The following TMTC2 variants were observed in gnomAD, a reference collection of about 807,000 sequenced individuals.
TMTC2 encodes the protein protein O-mannosyl-transferase TMTC2.
TMTC2 carries 43 observed loss-of-function variants against 82.4 expected under a neutral mutation model. The ratio of observed to expected loss-of-function variants is 0.52; its 90% CI spans 0.41 to 0.67. The LOEUF is 0.67. Ranked by LOEUF, TMTC2 falls within the 30% of genes least tolerant of loss-of-function variation. The pLI is 0.00. For synonymous variants in TMTC2, 408 were observed against 381.9 expected (o/e 1.07, Z -0.80); for missense variants, 919 against 1,012.4 (o/e 0.91, Z 1.25).
At chr12:83,053,199 A>C (rs975389888) in intron 10 of TMTC2, among the ~76,000 whole-genome samples, 3 of 151,988 alleles carry the variant, frequency 2.0e-5, no homozygotes, top group Non-Finnish European at 4.4e-5. Flanking sequence ...TTACATGTAA[A>C]TTTTCTCCTG....
rs80027263 is a variant in TMTC2, at chr12:83,085,904, G to T, written c.2331+24073G>T. Among the ~76,000 whole-genome samples, 432 of 152,214 alleles carry T rather than the reference G, an allele frequency of 2.8e-3. 3 individuals are homozygous for T. The highest frequency in any genetic ancestry group is 0.01 in the African/African-American group (417 of 41,528). On this transcript the variant is annotated intron_variant, in intron 11 of 11. Coordinates refer to ENST00000321196, the MANE Select transcript of TMTC2 (RefSeq NM_152588.3). ...CTGCTGATTTTTAAATCTATCTCCTGTCATGGACCTTGATCACAAATGTTA... is the reference window on the plus strand; with the variant it reads ...CTGCTGATTTTTAAATCTATCTCCTTTCATGGACCTTGATCACAAATGTTA...
chr12:82,846,940 G>A (rs80099035), intron 1 of TMTC2, among the ~76,000 whole-genome samples: 1,531 of 152,150 alleles, frequency 0.01, 35 homozygotes, highest in African/African-American at 0.035. Context: ...TGTCCAAAGC[G>A]TAGTGCCTTC....
chr12:82,895,887 C>T lies in TMTC2; in HGVS notation c.724C>T (p.Arg242Trp), dbSNP rs963897640. The change falls in exon 3 of 12, where the codon CGG becomes TGG. Residue 242 changes from arginine to tryptophan, a missense_variant. Coordinates refer to ENST00000321196, the MANE Select transcript of TMTC2 (RefSeq NM_152588.3). ...CTGGGGTTCCTCCCTTTTGGGTGCC[C>T]GGTTATACTGGATGGGAAACAAACC... ...IFWGSSLLGA[R>W]LYWMGNKPPS... The T allele has an allele frequency of 7.4e-6, 12 of 1,613,824 alleles. No homozygotes were observed. Among genetic ancestry groups the T allele is most frequent in the Non-Finnish European group, 9.3e-6 (11 of 1,179,958 alleles).
At chr12:83,076,227 G>C (rs1305797536) in intron 11 of TMTC2, among the ~76,000 whole-genome samples, 1 of 152,156 alleles carries the variant, frequency 6.6e-6, no homozygotes, top group Non-Finnish European at 1.5e-5. Flanking sequence ...CTGTATATAT[G>C]TGTGTTTTAG....
At chr12:82,997,175 TCCCACCC>T (rs1222307524) in intron 8 of TMTC2, among the ~76,000 whole-genome samples, 26 of 114,482 alleles carry the variant, frequency 2.3e-4, no homozygotes, top group East Asian at 7.7e-4. Context: ...TCTCTCTCTC[TCCCACCC>T]CTCCCCCTCT....
chr12:83,091,240 C>T (rs898758701), intron 11 of TMTC2, among the ~76,000 whole-genome samples: 2 of 151,870 alleles, frequency 1.3e-5, no homozygotes, highest in East Asian at 1.9e-4. Context: ...AAGATGATTT[C>T]GAAGAAGAAA....
At chr12:83,076,806 CT>C (rs1883296211) in intron 11 of TMTC2, among the ~76,000 whole-genome samples, 1 of 152,198 alleles carries the variant, frequency 6.6e-6, no homozygotes, top group Non-Finnish European at 1.5e-5. Context: ...GTAACACCCT[CT>C]TTTTCTGCTT....
chr12:82,802,313 C>G (rs564423405), intron 1 of TMTC2, among the ~76,000 whole-genome samples: 1 of 152,322 alleles, frequency 6.6e-6, no homozygotes, highest in Non-Finnish European at 1.5e-5. Context: ...AGCCCTTGTT[C>G]CTGCCAGTGC....
intron 8 of TMTC2, among the ~76,000 whole-genome samples, chr12:83,027,725 C>A (rs1320967603): frequency 6.6e-6 from 1 of 152,106 alleles, no homozygotes; most frequent in African/African-American, 2.4e-5. Flanking sequence ...AAAGAATGTT[C>A]TCACCTTCAA....
At chr12:82,695,964 C>T (rs1461746311) in intron 1 of TMTC2, among the ~76,000 whole-genome samples, 8 of 152,134 alleles carry the variant, frequency 5.3e-5, no homozygotes, top group Admixed American at 5.2e-4. Context: ...GGCCTGTTGC[C>T]TTCAGTTGTA....
intron 1 of TMTC2, among the ~76,000 whole-genome samples, chr12:82,751,002 T>C (rs941680256): frequency 2.0e-5 from 3 of 152,194 alleles, no homozygotes; most frequent in Non-Finnish European, 2.9e-5. Flanking sequence ...GCAACCTTTA[T>C]CTTTGTGTTA....
intron 8 of TMTC2, among the ~76,000 whole-genome samples, chr12:82,993,141 C>T (rs926937432): frequency 7.9e-5 from 12 of 152,166 alleles, no homozygotes; most frequent in Admixed American, 3.3e-4. Context: ...CATGCCACCA[C>T]GCCTGGCTAA....
At chr12:83,042,962 C>T (rs1881949941) in intron 9 of TMTC2, among the ~76,000 whole-genome samples, 1 of 152,172 alleles carries the variant, frequency 6.6e-6, no homozygotes, top group Non-Finnish European at 1.5e-5. Context: ...TGTTCACCAG[C>T]CACCTGTTTT....
chr12:83,043,266 A>G (rs1881963355), intron 9 of TMTC2, among the ~76,000 whole-genome samples: 1 of 152,132 alleles, frequency 6.6e-6, no homozygotes, highest in Admixed American at 6.5e-5. Context: ...AGTATCCCCT[A>G]CCTACAGCTA....
chr12:82,916,014 A>G (rs1201380625), intron 3 of TMTC2, among the ~76,000 whole-genome samples: 1 of 152,220 alleles, frequency 6.6e-6, no homozygotes, highest in African/African-American at 2.4e-5. Flanking sequence ...ATCAACATAG[A>G]AAGACCCAGT....
intron 1 of TMTC2, among the ~76,000 whole-genome samples, chr12:82,696,940 C>T (rs1321062025): frequency 2.1e-5 from 3 of 139,818 alleles, no homozygotes; most frequent in African/African-American, 8.0e-5. Context: ...TTCTTGCCAG[C>T]TCTCTTTCTA....
intron 1 of TMTC2, among the ~76,000 whole-genome samples, chr12:82,752,744 G>A (rs541192246): frequency 2.0e-5 from 3 of 151,818 alleles, no homozygotes; most frequent in Non-Finnish European, 4.4e-5. Flanking sequence ...AGACAAATGT[G>A]TGCTGTATTT....
chr12:82,955,782 T>G (rs1336649059), intron 4 of TMTC2, among the ~76,000 whole-genome samples: 1 of 152,198 alleles, frequency 6.6e-6, no homozygotes, highest in Admixed American at 6.5e-5. Flanking sequence ...CTTAATTTCA[T>G]TGTCTGTTGT....
Position 83,021,603 on chromosome 12 carries a change from AT to A in TMTC2, c.2071-9186del, listed in dbSNP as rs145396643. 2.5e-3 allele frequency among the ~76,000 whole-genome samples: 379 copies of A among 151,102 alleles called. 3 individuals are homozygous for A. In the East Asian group the frequency reaches 0.038, roughly 15 times the overall value. On this transcript the variant is annotated intron_variant, in intron 8 of 11. Transcript: ENST00000321196. ...GAGTGAGACCCCATCTATAAAAAAA[AT>A]TTTTTTTTAATGTAGAGTCATCTTT... is the stretch of plus-strand genomic sequence containing the variant.
Sources: gnomAD v4.1 joint callset for allele counts (sites outside exome capture counted in the v4.1 genomes callset) on GRCh38, gnomAD v4.1.1 for gene constraint, MANE v1.5 for transcripts, NCBI Gene and HGNC (gene_info 2026-07-23, HGNC 2026-07-21) for gene names.